LRRTM4: variants seen among roughly 807,000 people sequenced by gnomAD.
The protein encoded by LRRTM4 is leucine-rich repeat transmembrane neuronal protein 4.
Under a neutral mutation model 47.6 loss-of-function variants are expected in LRRTM4, and 25 were observed. That is an observed-to-expected ratio of 0.53 (90% CI 0.38 to 0.73). LRRTM4 has a LOEUF of 0.73. LRRTM4 is among the 30% of genes least tolerant of loss of function. LRRTM4 has a pLI of 0.00. For missense variants in LRRTM4, 638 were observed against 713.4 expected (o/e 0.89, Z 1.20); for synonymous variants, 311 against 269.5 (o/e 1.15, Z -1.51).
intron 3 of LRRTM4, among the ~76,000 whole-genome samples, chr2:76,939,171 G>C (rs763299910): frequency 5.3e-5 from 8 of 152,012 alleles, no homozygotes; most frequent in Non-Finnish European, 1.0e-4. Flanking sequence ...AATGGTGATT[G>C]TATTTTTAGG....
chr2:76,872,166 A>G (rs996693311), intron 3 of LRRTM4, among the ~76,000 whole-genome samples: 6 of 152,226 alleles, frequency 3.9e-5, no homozygotes, highest in African/African-American at 1.2e-4. Flanking sequence ...AGCAGTGCAT[A>G]ATGTTTAAAA....
chr2:77,490,542 C>G (rs1006075818), intron 3 of LRRTM4, among the ~76,000 whole-genome samples: 3 of 152,030 alleles, frequency 2.0e-5, no homozygotes, highest in Non-Finnish European at 4.4e-5. Flanking sequence ...AAGAAAAATC[C>G]TTAGCGAATG....
intron 3 of LRRTM4, among the ~76,000 whole-genome samples, chr2:76,767,074 G>C (rs2104100064): frequency 6.6e-6 from 1 of 152,114 alleles, no homozygotes; most frequent in South Asian, 2.1e-4. Flanking sequence ...GTTTCTGTTT[G>C]AATTTTTCAC....
At chr2:77,207,047 C>T (rs1454784839) in intron 3 of LRRTM4, among the ~76,000 whole-genome samples, 2 of 151,198 alleles carry the variant, frequency 1.3e-5, no homozygotes, top group Non-Finnish European at 2.9e-5. Flanking sequence ...AATGTCTCTT[C>T]AGAGCCTGAA....
chr2:77,499,104 C>T (rs776524995), intron 3 of LRRTM4, among the ~76,000 whole-genome samples: 11 of 151,834 alleles, frequency 7.2e-5, no homozygotes, highest in African/African-American at 1.2e-4. Flanking sequence ...TTTGCTTTTG[C>T]TTACCCAGAG....
At chr2:77,096,216 A>G (rs79236715) in intron 3 of LRRTM4, among the ~76,000 whole-genome samples, 1,819 of 151,902 alleles carry the variant, frequency 0.012, 39 homozygotes, top group African/African-American at 0.041. Context: ...GCAAAATTGA[A>G]AATCAGAAGA....
In LRRTM4 at chr2:76,822,270, G is replaced by A. The variant is rs545905462; in HGVS notation, c.1552-73354C>T. On this transcript the variant is annotated intron_variant, in intron 3 of 3. Transcript: ENST00000409884. ...AGGCCTGAAATGATGGGGAAAATGT[G>A]TTGACTAAGAAAAAAGCAGAAATAC... Among the ~76,000 whole-genome samples the A allele has an allele frequency of 7.9e-5, 12 of 151,456 alleles. No individual in the cohort carries two copies. In the South Asian group the frequency reaches 2.1e-3, roughly 26 times the overall value.
At chr2:77,177,190 C>T (rs1314317224) in intron 3 of LRRTM4, among the ~76,000 whole-genome samples, 3 of 152,182 alleles carry the variant, frequency 2.0e-5, no homozygotes, top group African/African-American at 2.4e-5. Flanking sequence ...CTTGTTTTCA[C>T]TTAATTCTGT....
chr2:76,892,317 T>C (rs1007502128), intron 3 of LRRTM4, among the ~76,000 whole-genome samples: 3 of 151,832 alleles, frequency 2.0e-5, no homozygotes, highest in Admixed American at 1.3e-4. Flanking sequence ...TATTTGGCTA[T>C]TTGGTTATTT....
chr2:76,771,056 A>G (rs1376161137), intron 3 of LRRTM4, among the ~76,000 whole-genome samples: 2 of 152,194 alleles, frequency 1.3e-5, no homozygotes. Context: ...TAATGATGTT[A>G]TTCCTAGCTC....
At chr2:76,824,640 T>C (rs950141608) in intron 3 of LRRTM4, among the ~76,000 whole-genome samples, 8 of 151,566 alleles carry the variant, frequency 5.3e-5, no homozygotes, top group African/African-American at 1.9e-4. Context: ...GTATTATTTG[T>C]ATATATTTGG....
chr2:77,049,091 G>GT (rs906170929), intron 3 of LRRTM4, among the ~76,000 whole-genome samples: 211 of 100,104 alleles, frequency 2.1e-3, no homozygotes, highest in African/African-American at 4.5e-3. Flanking sequence ...ATGACAGTTT[G>GT]TTTTTTTTTG....
At chr2:77,478,488 A>G (rs749985557) in intron 3 of LRRTM4, among the ~76,000 whole-genome samples, 3 of 152,218 alleles carry the variant, frequency 2.0e-5, no homozygotes, top group Non-Finnish European at 4.4e-5. Flanking sequence ...AGCAGTTAGC[A>G]TTTTAAAAAT....
intron 3 of LRRTM4, among the ~76,000 whole-genome samples, chr2:76,873,502 G>GTATATATATATATATA (rs1672690488): frequency 1.5e-5 from 1 of 65,478 alleles, no homozygotes; most frequent in African/African-American, 6.3e-5. Context: ...GTATATATAT[G>GTATATATATATATATA]TGTGTATATA....
chr2:76,878,658 C>G (rs986004049), intron 3 of LRRTM4, among the ~76,000 whole-genome samples: 2 of 152,090 alleles, frequency 1.3e-5, no homozygotes, highest in Non-Finnish European at 2.9e-5. Context: ...CACCTGAGGT[C>G]AGGTGTTCAA....
intron 3 of LRRTM4, among the ~76,000 whole-genome samples, chr2:76,849,770 A>G (rs1481658819): frequency 2.6e-5 from 4 of 152,166 alleles, no homozygotes; most frequent in Admixed American, 2.6e-4. Flanking sequence ...TTTTATAATT[A>G]AAGGTTTCTC....
chr2:76,895,794 G>A (rs1309668786), intron 3 of LRRTM4, among the ~76,000 whole-genome samples: 2 of 152,014 alleles, frequency 1.3e-5, no homozygotes. Flanking sequence ...TAAGAAAATG[G>A]CTAACTTCCA....
intron 3 of LRRTM4, among the ~76,000 whole-genome samples, chr2:77,285,777 TAAAAG>T (rs1266349600): frequency 2.0e-5 from 3 of 151,754 alleles, no homozygotes; most frequent in African/African-American, 7.3e-5. Context: ...TAGTCTAAAA[TAAAAG>T]AAAATAAGCA....
intron 3 of LRRTM4, among the ~76,000 whole-genome samples, chr2:77,347,727 A>G (rs902059752): frequency 6.6e-6 from 1 of 152,174 alleles, no homozygotes; most frequent in African/African-American, 2.4e-5. Context: ...TTAAATTGCT[A>G]TAAAAGTTTC....
Sources: allele counts gnomAD v4.1 joint callset (sites outside exome capture counted in the v4.1 genomes callset), GRCh38; gene constraint gnomAD v4.1.1; transcripts MANE v1.5; gene names NCBI Gene and HGNC (gene_info 2026-07-23, HGNC 2026-07-21).